DPYD: variants seen among roughly 807,000 people sequenced by gnomAD.
The protein encoded by DPYD is dihydropyrimidine dehydrogenase [NADP(+)].
A neutral mutation model predicts 116.2 loss-of-function variants in DPYD; 109 were observed. The observed-to-expected ratio is 0.94, with a 90% CI of 0.80 to 1.10. The LOEUF is 1.10. DPYD is among the 50% of genes least tolerant of loss of function. DPYD has a pLI of 0.00. For synonymous variants in DPYD, 440 were observed against 432.0 expected (o/e 1.02, Z -0.23); for missense variants, 1,302 against 1,254.5 (o/e 1.04, Z -0.57).
chr1:97,520,463 T>C (rs143192007), intron 12 of DPYD, among the ~76,000 whole-genome samples: 72 of 152,324 alleles, frequency 4.7e-4, no homozygotes, highest in African/African-American at 1.6e-3. Flanking sequence ...AGTTACCTCT[T>C]TTTTATTTAC....
chr1:97,346,013 T>C (rs1208687165), intron 16 of DPYD, among the ~76,000 whole-genome samples: 1 of 151,848 alleles, frequency 6.6e-6, no homozygotes, highest in Non-Finnish European at 1.5e-5. Flanking sequence ...GTAAAGTAAG[T>C]TTTTATTTCT....
chr1:97,758,481 C>T (rs772821212), intron 3 of DPYD, among the ~76,000 whole-genome samples: 4 of 151,996 alleles, frequency 2.6e-5, no homozygotes, highest in Non-Finnish European at 1.5e-5. Flanking sequence ...GAGGCCTCTC[C>T]TAAAATTTCA....
chr1:97,436,733 C>A (rs1347092865), intron 14 of DPYD, among the ~76,000 whole-genome samples: 1 of 151,982 alleles, frequency 6.6e-6, no homozygotes, highest in East Asian at 1.9e-4. Flanking sequence ...ACCAATATTT[C>A]TTTCATTTCT....
intron 16 of DPYD, among the ~76,000 whole-genome samples, chr1:97,309,022 T>C (rs550170263): frequency 6.1e-4 from 92 of 151,986 alleles, no homozygotes; most frequent in African/African-American, 2.1e-3. Context: ...CAACTTGGCA[T>C]ATTTTCACAT....
chr1:97,880,746 C>CAT (rs912850234), intron 2 of DPYD, among the ~76,000 whole-genome samples: 12 of 151,716 alleles, frequency 7.9e-5, no homozygotes, highest in South Asian at 2.1e-4. Flanking sequence ...TTCTTTTGTG[C>CAT]ATATATATAT....
At chr1:97,876,183 T>C (rs1671907267) in intron 2 of DPYD, among the ~76,000 whole-genome samples, 1 of 152,022 alleles carries the variant, frequency 6.6e-6, no homozygotes, top group African/African-American at 2.4e-5. Flanking sequence ...GTTAATGTAA[T>C]GACCAGGAAA....
intron 10 of DPYD, among the ~76,000 whole-genome samples, chr1:97,583,813 T>C (rs1456391740): frequency 6.6e-6 from 1 of 152,162 alleles, no homozygotes; most frequent in African/African-American, 2.4e-5. Flanking sequence ...CAGTCTATCA[T>C]TGTTGGACAT....
In DPYD at chr1:97,589,028, C is replaced by G. The variant is rs1307576659; in HGVS notation, c.1128+4190G>C. On this transcript the variant is annotated intron_variant, in intron 10 of 22. Coordinates refer to ENST00000370192, the MANE Select transcript of DPYD (RefSeq NM_000110.4). ...AAAAATGCAAATTCTCAGACCCACC[C>G]CAGACTTACTGAATCAGCAACTCTA... 2.6e-5 allele frequency among the ~76,000 whole-genome samples: 4 copies of G among 152,248 alleles called. No individual in the cohort carries two copies. In the South Asian group the frequency reaches 8.3e-4, roughly 32 times the overall value.
At chr1:97,654,586 A>G (rs1658790494) in intron 8 of DPYD, among the ~76,000 whole-genome samples, 1 of 152,168 alleles carries the variant, frequency 6.6e-6, no homozygotes, top group South Asian at 2.1e-4. Context: ...TCTCCAATAC[A>G]TATTATTTGA....
intron 14 of DPYD, among the ~76,000 whole-genome samples, chr1:97,395,834 G>A (rs1479815511): frequency 1.3e-5 from 2 of 151,972 alleles, no homozygotes; most frequent in Admixed American, 6.6e-5. Context: ...AAGACGACAA[G>A]CCAGCATAGG....
intron 2 of DPYD, among the ~76,000 whole-genome samples, chr1:97,839,859 A>G (rs1669955050): frequency 6.6e-6 from 1 of 152,178 alleles, no homozygotes; most frequent in Admixed American, 6.5e-5. Flanking sequence ...AGTGCTAGAC[A>G]TTATTAATCT....
chr1:97,873,794 A>G (rs959468328), intron 2 of DPYD, among the ~76,000 whole-genome samples: 1 of 152,030 alleles, frequency 6.6e-6, no homozygotes, highest in Non-Finnish European at 1.5e-5. Context: ...CTAAGATTTC[A>G]GTAAATATTC....
intron 8 of DPYD, among the ~76,000 whole-genome samples, chr1:97,674,261 T>C (rs1016346882): frequency 6.6e-6 from 1 of 152,202 alleles, no homozygotes; most frequent in African/African-American, 2.4e-5. Flanking sequence ...TGAAAAAGAC[T>C]ATTCATCTCT....
intron 8 of DPYD, among the ~76,000 whole-genome samples, chr1:97,634,682 G>A (rs1019180471): frequency 6.6e-6 from 1 of 151,930 alleles, no homozygotes; most frequent in Non-Finnish European, 1.5e-5. Context: ...AAGCACCAAA[G>A]AATAAAATAG....
At chr1:97,150,615 T>C (rs1012976929) in intron 20 of DPYD, among the ~76,000 whole-genome samples, 2 of 152,222 alleles carry the variant, frequency 1.3e-5, no homozygotes, top group Admixed American at 1.3e-4. Context: ...ATATACTGTA[T>C]ATATGAATAT....
chr1:97,794,829 C>G (rs1667488195), intron 3 of DPYD, among the ~76,000 whole-genome samples: 1 of 152,140 alleles, frequency 6.6e-6, no homozygotes, highest in Non-Finnish European at 1.5e-5. Flanking sequence ...TCTTTCACAT[C>G]TTTCACAAGT....
At chr1:97,129,761 C>A (rs1203946629) in intron 20 of DPYD, among the ~76,000 whole-genome samples, 1 of 152,152 alleles carries the variant, frequency 6.6e-6, no homozygotes, top group Non-Finnish European at 1.5e-5. Context: ...TCATTGCATC[C>A]TATTGTAGCA....
At chr1:97,592,444 G>A (rs1436266482) in intron 10 of DPYD, among the ~76,000 whole-genome samples, 1 of 152,152 alleles carries the variant, frequency 6.6e-6, no homozygotes, top group Non-Finnish European at 1.5e-5. Flanking sequence ...TGGGCTCACT[G>A]CAAGCTCCGC....
intron 19 of DPYD, among the ~76,000 whole-genome samples, chr1:97,223,763 C>T (rs1365501748): frequency 6.6e-6 from 1 of 152,002 alleles, no homozygotes; most frequent in Admixed American, 6.6e-5. Flanking sequence ...ATACAGGACT[C>T]ATTGGGAAGA....
Sources: gnomAD v4.1 joint callset for allele counts (sites outside exome capture counted in the v4.1 genomes callset) on GRCh38, gnomAD v4.1.1 for gene constraint, MANE v1.5 for transcripts, NCBI Gene and HGNC (gene_info 2026-07-23, HGNC 2026-07-21) for gene names.